Variants in LYST observed in about 807,000 individuals in gnomAD.
LYST encodes the protein lysosomal-trafficking regulator.
Under a neutral mutation model 413.6 loss-of-function variants are expected in LYST, and 192 were observed. The observed-to-expected ratio is 0.46, with a 90% CI of 0.41 to 0.52. The LOEUF (loss-of-function observed/expected upper bound fraction) is 0.52. Ranked by LOEUF, LYST falls within the 20% of genes least tolerant of loss-of-function variation. LYST has a pLI of 0.00. For synonymous variants in LYST, 1,525 were observed against 1,567.3 expected (o/e 0.97, Z 0.64); for missense variants, 3,815 against 4,499.9 (o/e 0.85, Z 4.35).
intron 44 of LYST, 77 bp from the exon 45 acceptor site, chr1:235,703,054 C>G: frequency 9.4e-7 from 1 of 1,065,844 alleles, no homozygotes. Context: ...AAGGGAAAAA[C>G]AACACTTTGT....
In LYST at chr1:235,809,042, G is replaced by A. The variant is rs373933831; in HGVS notation, c.1776C>T (p.Ile592=). The A allele has an allele frequency of 7.3e-5, 118 of 1,613,952 alleles. 1 individual carries two copies. Among genetic ancestry groups the A allele is most frequent in the Non-Finnish European group, 9.8e-5 (116 of 1,179,940 alleles). The change falls in exon 5 of 53, where the codon ATC becomes ATT. Residue 592 remains isoleucine (I), a synonymous_variant. Transcript: ENST00000389793. This position sits in a 1 kb window ranked among gnomAD's most constrained non-coding sequence, Gnocchi z 4.0. ...ICCCMDPKSV[I]IPLLHAFKLP... is the part of the protein sequence containing the mutation. ...ATTTAAAAGCATGGAGCAAAGGAAT[G>A]ATTACAGATTTGGGATCCATACAAC...
At chr1:235,681,371 A>T (rs1659802544) in intron 48 of LYST, among the ~76,000 whole-genome samples, 1 of 152,122 alleles carries the variant, frequency 6.6e-6, no homozygotes, top group Admixed American at 6.5e-5. Context: ...TGAGGCAGAG[A>T]GGGGTCAGAG....
In LYST at chr1:235,753,122, A is replaced by G; in HGVS notation, c.7382T>C (p.Val2461Ala). Residue 2461 changes from valine (V) to alanine (A), a missense_variant, in exon 26 of 53, where the codon GTA becomes GCA. Val to Ala is a moderately conservative substitution (Grantham distance 64). Around this residue, in one of 4 missense-constraint regions of LYST, gnomAD observed 771 missense variants for 837.1 expected, o/e 0.92. Transcript: ENST00000389793. ...ACCATTATCCAGCAACATATCTGCTACCTTAGAACAAGAATTTAAAATTTG... is the reference window on the plus strand; with the variant it reads ...ACCATTATCCAGCAACATATCTGCTGCCTTAGAACAAGAATTTAAAATTTG... ...LLQILNSCSK[V>A]ADMLLDNGLL... 3 of 1,609,640 alleles carry G rather than the reference A, an allele frequency of 1.9e-6. No homozygotes were observed. The highest frequency in any genetic ancestry group is 2.6e-6 in the Non-Finnish European group (3 of 1,176,176).
chr1:235,858,917 T>C (rs995074016), intron 1 of LYST, among the ~76,000 whole-genome samples: 2 of 152,186 alleles, frequency 1.3e-5, no homozygotes, highest in African/African-American at 2.4e-5. Context: ...ACCATCCTGC[T>C]GGCCTCTGTA....
chr1:235,823,599 T>G (rs1257992841), intron 3 of LYST, among the ~76,000 whole-genome samples: 1 of 152,248 alleles, frequency 6.6e-6, no homozygotes, highest in Non-Finnish European at 1.5e-5. Flanking sequence ...CCTTCAGGTC[T>G]CCCCATTAGC....
chr1:235,728,806 C>G (rs768143916), intron 37 of LYST, among the ~76,000 whole-genome samples: 10 of 152,180 alleles, frequency 6.6e-5, no homozygotes, highest in Non-Finnish European at 1.5e-4. Flanking sequence ...CGGTGGGGCT[C>G]AGTCCCAGCA....
intron 3 of LYST, among the ~76,000 whole-genome samples, chr1:235,819,623 A>G (rs1674535962): frequency 6.6e-6 from 1 of 152,124 alleles, no homozygotes; most frequent in Non-Finnish European, 1.5e-5. Flanking sequence ...ATCAGCCAAT[A>G]ACATACCACT....
chr1:235,733,581 T>G lies in LYST; in HGVS notation c.8723A>C (p.His2908Pro), dbSNP rs903809777. 6.2e-7 allele frequency: 1 copy of G among 1,613,874 alleles called. No individual in the cohort carries two copies. Among genetic ancestry groups the G allele is most frequent in the Admixed American group, 1.7e-5 (1 of 59,998 alleles). Residue 2908 changes from histidine (H) to proline (P), a missense_variant, in exon 34 of 53, where the codon CAT (histidine) becomes CCT (proline). By Grantham distance (77) the His-to-Pro change is moderately conservative. Coordinates refer to ENST00000389793, the MANE Select transcript of LYST (RefSeq NM_000081.4). ...QGNERKKVIQ[H>P]IRGMYKVDLS... ...ATCTACTTTATACATTCCTCTAATA[T>G]GCTGGATCACCTTTTTTCTCTCATT...
intron 3 of LYST, chr1:235,827,856 A>T (rs1675507408): frequency 1.3e-6 from 1 of 781,188 alleles, no homozygotes; most frequent in Non-Finnish European, 1.6e-6. Flanking sequence ...CCATATATAC[A>T]AAGAAAATAC....
intron 1 of LYST, among the ~76,000 whole-genome samples, chr1:235,879,736 CTTTCT>C (rs1159079562): frequency 3.9e-5 from 5 of 126,732 alleles, no homozygotes; most frequent in African/African-American, 9.3e-5. Context: ...TCCTTTCTTT[CTTTCT>C]TTTTTTTTTT....
At chr1:235,700,277 C>T (rs1661438915) in intron 45 of LYST, among the ~76,000 whole-genome samples, 1 of 152,096 alleles carries the variant, frequency 6.6e-6, no homozygotes, top group Admixed American at 6.5e-5. Flanking sequence ...AAGAGACTAC[C>T]ATCAGAGTGA....
At chr1:235,828,167 C>T in intron 3 of LYST, 1 of 966,682 alleles carries the variant, frequency 1.0e-6, no homozygotes, top group Non-Finnish European at 1.2e-6. Context: ...TGAATTATTT[C>T]AGTCATTTAG....
intron 43 of LYST, among the ~76,000 whole-genome samples, chr1:235,711,493 T>A (rs1445295172): frequency 6.6e-6 from 1 of 152,178 alleles, no homozygotes; most frequent in Non-Finnish European, 1.5e-5. Context: ...AATTAAGTAA[T>A]ATAAGAAAAT....
chr1:235,772,611 T>C (rs1173367130), intron 19 of LYST, among the ~76,000 whole-genome samples: 1 of 152,198 alleles, frequency 6.6e-6, no homozygotes, highest in Non-Finnish European at 1.5e-5. Context: ...GGTGCTGAGA[T>C]GTAGTGCCTA....
At chr1:235,870,528 T>G (rs917001838), upstream of LYST, among the ~76,000 whole-genome samples, 1 of 152,240 alleles carries the variant, frequency 6.6e-6, no homozygotes, top group African/African-American at 2.4e-5. Context: ...GGCTGCCTGA[T>G]TCACGAATTG....
In LYST at chr1:235,783,893, A is replaced by T. The variant is rs866083807; in HGVS notation, c.4863-1806T>A. On this transcript the variant is annotated intron_variant, in intron 14 of 52. Coordinates refer to ENST00000389793, the MANE Select transcript of LYST (RefSeq NM_000081.4). ...TAGAAATTCTTTTTTTTTTTCTTTTAAATTGAGACAGGGTCTCGCTCTGTC... is the reference window on the plus strand; with the variant it reads ...TAGAAATTCTTTTTTTTTTTCTTTTTAATTGAGACAGGGTCTCGCTCTGTC... Among the ~76,000 whole-genome samples the T allele has an allele frequency of 5.2e-3, 782 of 150,038 alleles. 15 individuals carry two copies. Among genetic ancestry groups the T allele is most frequent in the African/African-American group, 0.017 (679 of 40,708 alleles).
chr1:235,788,677 T>C, intron 13 of LYST, 24 bp downstream of exon 13: 1 of 1,609,446 alleles, frequency 6.2e-7, no homozygotes, highest in Non-Finnish European at 8.5e-7. Flanking sequence ...TATCTATTCA[T>C]GGGAGGCTGA....
intron 30 of LYST, among the ~76,000 whole-genome samples, chr1:235,742,258 C>T (rs565334578): frequency 6.6e-6 from 1 of 152,054 alleles, no homozygotes; most frequent in East Asian, 1.9e-4. Flanking sequence ...AGTTCAAGAC[C>T]AACCTGGACA....
chr1:235,717,415 A>G (rs1558146929), intron 40 of LYST, among the ~76,000 whole-genome samples: 1 of 152,270 alleles, frequency 6.6e-6, no homozygotes, highest in Non-Finnish European at 1.5e-5. Context: ...TTCTGTGAAC[A>G]CCACATGACA....
Sources: gnomAD v4.1 joint callset for allele counts (sites outside exome capture counted in the v4.1 genomes callset) on GRCh38, gnomAD v4.1.1 for gene constraint, gnomAD v4.1.1 regional missense constraint, Gnocchi (gnomAD v3.1) non-coding constraint, MANE v1.5 for transcripts, NCBI Gene and HGNC (gene_info 2026-07-23, HGNC 2026-07-21) for gene names.